Variants in COG5 observed in about 807,000 individuals in gnomAD.
COG5 encodes the protein component of oligomeric golgi complex 5.
In COG5, 86 loss-of-function variants were observed where a neutral mutation model predicts 110.4. The observed-to-expected ratio is 0.78, with a 90% CI of 0.65 to 0.93. The LOEUF (loss-of-function observed/expected upper bound fraction) is 0.93, where lower values mean the gene tolerates loss of function less well. Among genes scored for constraint, COG5 ranks in the 40% least tolerant of loss-of-function variants. The pLI, the probability that COG5 is intolerant of heterozygous loss-of-function variation, is 0.00. For synonymous variants in COG5, 360 were observed against 334.6 expected (o/e 1.08, Z -0.83); for missense variants, 1,077 against 987.0 (o/e 1.09, Z -1.22).
intron 6 of COG5, among the ~76,000 whole-genome samples, chr7:107,453,046 A>C (rs984697406): frequency 2.6e-5 from 4 of 152,158 alleles, no homozygotes; most frequent in African/African-American, 4.8e-5. Context: ...TGCATCTTTT[A>C]CTAAACTACA....
intron 6 of COG5, among the ~76,000 whole-genome samples, chr7:107,454,774 C>T (rs1424453178): frequency 2.0e-5 from 3 of 151,806 alleles, no homozygotes; most frequent in Admixed American, 2.0e-4. Flanking sequence ...CATGGGTTGG[C>T]AGATTTGTGA....
intron 6 of COG5, among the ~76,000 whole-genome samples, chr7:107,417,543 G>C (rs1792950558): frequency 6.6e-6 from 1 of 151,976 alleles, no homozygotes; most frequent in Non-Finnish European, 1.5e-5. Flanking sequence ...TCAATATCCA[G>C]AATTATTTTC....
chr7:107,293,400 C>T (rs1806336214), intron 12 of COG5, among the ~76,000 whole-genome samples: 1 of 152,156 alleles, frequency 6.6e-6, no homozygotes, highest in Non-Finnish European at 1.5e-5. Flanking sequence ...GTGTTCTTGG[C>T]TACTGCAGTC....
chr7:107,287,477 T>C (rs182203203), intron 12 of COG5, among the ~76,000 whole-genome samples: 1 of 152,332 alleles, frequency 6.6e-6, no homozygotes, highest in East Asian at 1.9e-4. Context: ...CTTTCATATA[T>C]ATAATTTACA....
At chr7:107,525,839 C>A (rs956085099) in intron 6 of COG5, among the ~76,000 whole-genome samples, 2 of 152,202 alleles carry the variant, frequency 1.3e-5, no homozygotes, top group African/African-American at 2.4e-5. Context: ...CCTGCCTCCA[C>A]CTCCCAAGTA....
chr7:107,306,118 T>C (rs1327163373), intron 11 of COG5, among the ~76,000 whole-genome samples: 6 of 152,156 alleles, frequency 3.9e-5, no homozygotes, highest in African/African-American at 1.4e-4. Flanking sequence ...TTTCAAATAC[T>C]TATATACTGT....
chr7:107,219,800 A>C (rs12533767), intron 19 of COG5, among the ~76,000 whole-genome samples: 23,937 of 152,216 alleles, frequency 0.16, 2,318 homozygotes, highest in Non-Finnish European at 0.22. Flanking sequence ...TGCATAGTAC[A>C]TTTCAAAATT....
intron 7 of COG5, among the ~76,000 whole-genome samples, chr7:107,406,699 C>A (rs1037167036): frequency 2.0e-4 from 31 of 152,048 alleles, no homozygotes; most frequent in Admixed American, 2.0e-3. Context: ...TTATCCAACC[C>A]TATTGAAGAT....
At chr7:107,292,226 G>A (rs1375466522) in intron 12 of COG5, among the ~76,000 whole-genome samples, 2 of 151,996 alleles carry the variant, frequency 1.3e-5, no homozygotes, top group South Asian at 4.2e-4. Flanking sequence ...TTGTAGAGAC[G>A]GGGTCTGTTT....
chr7:107,296,582 T>A (rs1162765290), intron 12 of COG5, among the ~76,000 whole-genome samples: 6 of 24,640 alleles, frequency 2.4e-4, no homozygotes, highest in Non-Finnish European at 3.7e-4. Context: ...AAAACTACTC[T>A]TTTTTTTTTT....
chr7:107,552,519 A>T (rs1802983891), intron 3 of COG5, among the ~76,000 whole-genome samples: 1 of 150,634 alleles, frequency 6.6e-6, no homozygotes, highest in African/African-American at 2.4e-5. Flanking sequence ...ACACACATGA[A>T]AAAAAAATGC....
chr7:107,467,588 G>C (rs1278267926), intron 6 of COG5, among the ~76,000 whole-genome samples: 6 of 152,080 alleles, frequency 3.9e-5, no homozygotes, highest in African/African-American at 1.4e-4. Context: ...CTGACCTCAA[G>C]TGATCCACCC....
intron 2 of COG5, among the ~76,000 whole-genome samples, chr7:107,557,236 CTA>C (rs796842412): frequency 1.3e-5 from 2 of 152,282 alleles, no homozygotes; most frequent in African/African-American, 4.8e-5. Flanking sequence ...TATACCAAAT[CTA>C]TGTTTCCTGG....
chr7:107,439,652 T>C (rs1328103814), intron 6 of COG5, among the ~76,000 whole-genome samples: 2 of 152,200 alleles, frequency 1.3e-5, no homozygotes, highest in African/African-American at 4.8e-5. Flanking sequence ...GTAACAATTA[T>C]GTAAAATATA....
chr7:107,540,595 A>G (rs1801908273), intron 5 of COG5, among the ~76,000 whole-genome samples: 2 of 150,258 alleles, frequency 1.3e-5, no homozygotes, highest in South Asian at 4.1e-4. Context: ...AAATAAATAA[A>G]TAAAAATTAA....
chr7:107,449,181 G>C (rs60409988), intron 6 of COG5, among the ~76,000 whole-genome samples: 1 of 152,076 alleles, frequency 6.6e-6, no homozygotes, highest in South Asian at 2.1e-4. Context: ...GTCAGAGGGT[G>C]GGGGGCAAGG....
intron 11 of COG5, among the ~76,000 whole-genome samples, chr7:107,319,905 G>A (rs545326312): frequency 5.3e-5 from 8 of 152,206 alleles, no homozygotes; most frequent in South Asian, 2.1e-4. Flanking sequence ...AGGCTGTAGC[G>A]TGCAATGACT....
chr7:107,241,016 C>A (rs1004770244), intron 17 of COG5, among the ~76,000 whole-genome samples: 1 of 152,172 alleles, frequency 6.6e-6, no homozygotes, highest in East Asian at 1.9e-4. Context: ...ATGCTTCATA[C>A]TCATGGCAAC....
At chr7:107,485,090 TTC>T (rs1163190334) in intron 6 of COG5, among the ~76,000 whole-genome samples, 1 of 152,162 alleles carries the variant, frequency 6.6e-6, no homozygotes, top group Non-Finnish European at 1.5e-5. Flanking sequence ...TCCATAAATA[TTC>T]TCTCTCAACA....
Sources: allele counts gnomAD v4.1 joint callset (sites outside exome capture counted in the v4.1 genomes callset), GRCh38; gene constraint gnomAD v4.1.1; transcripts MANE v1.5; gene names NCBI Gene and HGNC (gene_info 2026-07-23, HGNC 2026-07-21).